PLIN1: variants seen among roughly 807,000 people sequenced by gnomAD.
The protein encoded by PLIN1 is perilipin 1.
A neutral mutation model predicts 45.8 loss-of-function variants in PLIN1; 37 were observed. That is an observed-to-expected ratio of 0.81 (90% CI 0.62 to 1.06). The LOEUF (loss-of-function observed/expected upper bound fraction) is 1.06, where lower values mean the gene tolerates loss of function less well. Among genes scored for constraint, PLIN1 ranks in the 50% least tolerant of loss-of-function variants. The pLI is 0.00. For synonymous variants in PLIN1, 340 were observed against 309.2 expected (o/e 1.10, Z -1.05); for missense variants, 776 against 716.5 (o/e 1.08, Z -0.95).
At position 89,665,664 on chromosome 15, in the gene PLIN1, G is replaced by A. The variant is rs1178776777; in HGVS notation, c.1488C>T (p.Val496=). 2 of 1,492,762 alleles carry A rather than the reference G, an allele frequency of 1.3e-6. No homozygotes were observed. The highest frequency in any genetic ancestry group is 1.8e-6 in the Non-Finnish European group (2 of 1,124,586). The allele number at this position is 1,492,762 out of a possible 1,614,324, so 92.5% of individuals were successfully genotyped here. Residue 496 remains valine, a synonymous_variant, in exon 9 of 9, where the codon GTC becomes GTT. Transcript: ENST00000300055. ...AVPREKPKRR[V]SDSFFRPSVM... ...CGCTGGGCCGGAAGAAGCTGTCGCT[G>A]ACCCTGCGCTTTGGCTTCTCGCGGG...
intron 8 of PLIN1, 42 bp from the exon 9 acceptor site, chr15:89,665,984 G>A: frequency 7.1e-7 from 1 of 1,402,966 alleles, no homozygotes; most frequent in Non-Finnish European, 9.4e-7. Flanking sequence ...GCTTGGCCCT[G>A]GGCCCTGCGC....
Position 89,667,266 on chromosome 15 carries a change from G to A in PLIN1, c.964-85C>T. 1.9e-6 allele frequency: 3 copies of A among 1,564,184 alleles called. No individual in the cohort carries two copies. The South Asian group carries it at 3.4e-5, about 18-fold the overall frequency. On this transcript the variant is annotated intron_variant, in intron 7 of 8. Coordinates refer to ENST00000300055, the MANE Select transcript of PLIN1 (RefSeq NM_002666.5). ...ACCAGCCCCAGGGCTAGAGGGGAAA[G>A]CATGAGAATACCAAATTTACAAAAC...
intron 7 of PLIN1, 132 bp downstream of exon 7, chr15:89,667,470 T>C: frequency 1.5e-6 from 2 of 1,379,252 alleles, no homozygotes; most frequent in Non-Finnish European, 2.1e-6. Flanking sequence ...CATTTGGGGG[T>C]GGGGTGAAGG....
chr15:89,671,559 C>CT lies in PLIN1; in HGVS notation c.255dup (p.Ala86SerfsTer4). 6.4e-7 allele frequency: 1 copy of CT among 1,563,882 alleles called. No individual in the cohort carries two copies. Among genetic ancestry groups the CT allele is most frequent in the Non-Finnish European group, 8.7e-7 (1 of 1,153,458 alleles). ...CCTCGGCAGGCCAGCTCATTGGCAG[C>CT]TGTGACTGGAAGGAAAGGGCCAAGT... On this transcript the variant is annotated frameshift_variant, in exon 4 of 9. Coordinates refer to ENST00000300055, the MANE Select transcript of PLIN1 (RefSeq NM_002666.5). LOFTEE classifies it high-confidence loss of function.
At chr15:89,671,410 C>G in intron 4 of PLIN1, 72 bp downstream of exon 4, 1 of 1,091,816 alleles carries the variant, frequency 9.2e-7, no homozygotes, top group East Asian at 2.6e-5. Context: ...CATCAGCAGC[C>G]CCTGCCCTCT....
Position 89,665,813 on chromosome 15 carries a change from G to A in PLIN1, c.1339C>T (p.Pro447Ser), listed in dbSNP as rs554623848. The A allele has an allele frequency of 3.6e-6, 5 of 1,376,358 alleles. No individual in the cohort carries two copies. The highest frequency in any genetic ancestry group is 5.8e-5 in the Admixed American group (2 of 34,564). 85.3% of individuals were successfully genotyped at this position (1,376,358 alleles called of 1,614,324 possible). ...CTGCGGCGGGGCTGTGCGAGACGCG[G>A]GGCGGGCTCCGGGCCGGCGGACGGC... ...GAPSAGPEPA[P>S]RLAQPRRSLR... Residue 447 changes from proline (P) to serine (S), a missense_variant, in exon 9 of 9, where the codon CCG becomes TCG. Transcript: ENST00000300055.
Position 89,665,618 on chromosome 15 carries a change from G to T in PLIN1, c.1534C>A (p.Arg512Ser), listed in dbSNP as rs1383919608. ...TTGCGCAGCTGGCTGTAATGCGTGC[G>T]GCCCAGGATGGGCTCCATGACGCTG... ...RPSVMEPILGRTHYSQLRKKS is the reference protein window; with the variant it reads ...RPSVMEPILGSTHYSQLRKKS Residue 512 changes from arginine to serine, a missense_variant, in exon 9 of 9, where the codon CGC (arginine) becomes AGC (serine). Physicochemically the swap from Arg to Ser is moderately radical, Grantham distance 110 (BLOSUM62 -1). Transcript: ENST00000300055. The T allele has an allele frequency of 1.3e-6, 2 of 1,519,100 alleles. No homozygotes were observed. The highest frequency in any genetic ancestry group is 2.4e-5 in the South Asian group (2 of 82,322). 94.1% of individuals were successfully genotyped at this position (1,519,100 alleles called of 1,614,324 possible).
chr15:89,669,344 C>T lies in PLIN1; in HGVS notation c.771+156G>A, dbSNP rs114874127. On this transcript the variant is annotated intron_variant, in intron 6 of 8. Transcript: ENST00000300055. ...GTGGTCTGGAAGGCCATCCCTCTACCCCTCTCAAGTCCTCTTAGAACTGAA... is the reference window on the plus strand; with the variant it reads ...GTGGTCTGGAAGGCCATCCCTCTACTCCTCTCAAGTCCTCTTAGAACTGAA... 7.7e-3 allele frequency among the ~76,000 whole-genome samples: 1,173 copies of T among 152,302 alleles called. 14 individuals carry two copies. Among genetic ancestry groups the T allele is most frequent in the African/African-American group, 0.027 (1,125 of 41,550 alleles).
At chr15:89,674,466 C>A (rs1964486619) in intron 2 of PLIN1, among the ~76,000 whole-genome samples, 3 of 152,058 alleles carry the variant, frequency 2.0e-5, no homozygotes, top group Admixed American at 1.3e-4. Context: ...GTCTTGAACT[C>A]CTGGACTCAA....
At chr15:89,677,607 G>A in intron 1 of PLIN1, 104 bp from the exon 2 acceptor site, 1 of 925,952 alleles carries the variant, frequency 1.1e-6, no homozygotes, top group Non-Finnish European at 1.8e-6. Flanking sequence ...GGCTGCCTGG[G>A]GGCCCATTTG....
At chr15:89,666,089 G>A (rs914426219) in intron 8 of PLIN1, 147 bp from the exon 9 acceptor site, 2 of 514,272 alleles carry the variant, frequency 3.9e-6, no homozygotes, top group South Asian at 4.1e-5. Flanking sequence ...GTAGTTTGGG[G>A]GGCACCGGGG....
chr15:89,670,308 CG>C, intron 4 of PLIN1, 64 bp from the exon 5 acceptor site: 1 of 1,546,576 alleles, frequency 6.5e-7, no homozygotes, highest in Non-Finnish European at 8.8e-7. Flanking sequence ...GCTGCCCTTC[CG>C]GGGTCTGGTG....
chr15:89,678,019 AAAGTGCT>A (rs1406568193), intron 1 of PLIN1: 5 of 153,880 alleles, frequency 3.2e-5, no homozygotes, highest in African/African-American at 1.2e-4. Flanking sequence ...TAGACCTCCC[AAAGTGCT>A]GGGATTACAG....
rs1964413874 is a variant in PLIN1, at chr15:89,670,040, C to T, written c.538G>A (p.Ala180Thr). Residue 180 changes from alanine (A) to threonine (T), a missense_variant, in exon 5 of 9, where the codon GCC becomes ACC. Ala to Thr is a moderately conservative substitution (Grantham distance 58). Coordinates refer to ENST00000300055, the MANE Select transcript of PLIN1 (RefSeq NM_002666.5). ...GRLASGGADL[A>T]LGSIEKVVEY... ...ACCACCTTCTCAATGCTGCCCAAGG[C>T]CAAGTCGGCCCCTCCAGAAGCCAGT... 6.2e-7 allele frequency: 1 copy of T among 1,613,834 alleles called. No homozygotes were observed. Among genetic ancestry groups the T allele is most frequent in the Non-Finnish European group, 8.5e-7 (1 of 1,179,950 alleles).
In PLIN1 at chr15:89,671,489, G is replaced by A. The variant is rs1373690969; in HGVS notation, c.326C>T (p.Pro109Leu). The change falls in exon 4 of 9, where the codon CCT (proline) becomes CTT (leucine). Residue 109 changes from proline to leucine, a missense_variant. Coordinates refer to ENST00000300055, the MANE Select transcript of PLIN1 (RefSeq NM_002666.5). The part of the protein sequence containing the change: ...EEKIPALQYP[P>L]EKIASELKDT... ...GAGGTGGGAAGGGCTCACCTTTTCA[G>A]GGGGGTACTGGAGGGCGGGGATCTT... is the stretch of plus-strand genomic sequence containing the variant. The A allele has an allele frequency of 3.8e-6, 6 of 1,567,472 alleles. No individual in the cohort carries two copies. The highest frequency in any genetic ancestry group is 1.3e-5 in the African/African-American group (1 of 74,132).
At position 89,665,037 on chromosome 15, in the gene PLIN1, T is replaced by C; in HGVS notation, c.*546A>G. ...ATTTTAAATAAACACCCAAGAGCTTTTGCATCTGATTGTTCCCTTCAAAGT... is the reference window on the plus strand; with the variant it reads ...ATTTTAAATAAACACCCAAGAGCTTCTGCATCTGATTGTTCCCTTCAAAGT... On this transcript the variant is annotated 3_prime_UTR_variant, in exon 9 of 9. Transcript: ENST00000300055. 2 of 420,600 alleles carry C rather than the reference T, an allele frequency of 4.8e-6. No individual in the cohort carries two copies. Among genetic ancestry groups the C allele is most frequent in the Middle Eastern group, 7.0e-4 (2 of 2,844 alleles). The allele number at this position is 420,600 out of a possible 1,614,324, so 26.1% of individuals were successfully genotyped here. A position where few individuals can be genotyped will look rare whatever the true frequency, so the allele number is the denominator to read the frequency against.
chr15:89,674,348 G>A (rs943506954), intron 2 of PLIN1, among the ~76,000 whole-genome samples: 6 of 152,076 alleles, frequency 3.9e-5, no homozygotes, highest in Admixed American at 6.6e-5. Context: ...CCTCCAACTC[G>A]TGGGCTCAAA....
rs1484609598 is a variant in PLIN1 at position 89,665,006 on chromosome 15, A to C, written c.*577T>G. 1 of 444,450 alleles carries C rather than the reference A, an allele frequency of 2.2e-6. No homozygotes were observed. Among genetic ancestry groups the C allele is most frequent in the Non-Finnish European group, 4.5e-6 (1 of 221,674 alleles). The allele number at this position is 444,450 out of a possible 1,614,324, so 27.5% of individuals were successfully genotyped here. A position where few individuals can be genotyped will look rare whatever the true frequency, so the allele number is the denominator to read the frequency against. On this transcript the variant is annotated 3_prime_UTR_variant, in exon 9 of 9. Transcript: ENST00000300055. ...AAGCGGCGGGTACTCAGAAAGTGAC[A>C]CTAGTATTTTAAATAAACACCCAAG...
Position 89,667,174 on chromosome 15 carries a change from G to GC in PLIN1, c.970dup (p.Ala324GlyfsTer69), listed in dbSNP as rs760551223. Reference sequence around the variant, plus strand: ...CAGGAGGCCTCGAGGGCCTGGCAGGGCTGCTACCTGGGGGCCAAAGCAGGG... The same window carrying GC: ...CAGGAGGCCTCGAGGGCCTGGCAGGGCCTGCTACCTGGGGGCCAAAGCAGGG... On this transcript the variant is annotated frameshift_variant, in exon 8 of 9. Coordinates refer to ENST00000300055, the MANE Select transcript of PLIN1 (RefSeq NM_002666.5). LOFTEE classifies it high-confidence loss of function. 8.1e-6 allele frequency: 13 copies of GC among 1,613,110 alleles called. No homozygotes were observed. Among genetic ancestry groups the GC allele is most frequent in the Non-Finnish European group, 2.5e-6 (3 of 1,179,992 alleles).
Sources: allele counts gnomAD v4.1 joint callset (sites outside exome capture counted in the v4.1 genomes callset), GRCh38; gene constraint gnomAD v4.1.1; transcripts MANE v1.5; gene names NCBI Gene and HGNC (gene_info 2026-07-23, HGNC 2026-07-21).